CATSPERE: variants seen among roughly 807,000 people sequenced by gnomAD.
CATSPERE encodes catsper channel auxiliary subunit epsilon, also known as cation channel sperm-associated auxiliary subunit epsilon.
CATSPERE carries 93 observed loss-of-function variants against 114.1 expected under a neutral mutation model. The observed-to-expected ratio is 0.81, with a 90% CI of 0.69 to 0.97. The LOEUF (loss-of-function observed/expected upper bound fraction) is 0.97, where lower values mean the gene tolerates loss of function less well. Ranked by LOEUF, CATSPERE falls within the 50% of genes least tolerant of loss-of-function variation. The probability of loss-of-function intolerance (pLI) is 0.00; values close to 1 mark genes in which losing one functional copy is unlikely to be tolerated. For synonymous variants in CATSPERE, 341 were observed against 384.1 expected, an observed-to-expected ratio of 0.89 and a Z score of 1.31; for missense variants, 1,058 against 1,131.6, an observed-to-expected ratio of 0.93 and a Z score of 0.93.
At chr1:244,452,031 C>T, upstream of CATSPERE, 2 of 427,154 alleles carry the variant, frequency 4.7e-6, no homozygotes, top group Non-Finnish European at 8.0e-6. Context: ...CCGCGCAGGC[C>T]GGCCTCGGCA....
At chr1:244,585,547 C>T (rs958830324) in intron 13 of CATSPERE, among the ~76,000 whole-genome samples, 9 of 152,220 alleles carry the variant, frequency 5.9e-5, no homozygotes, top group Non-Finnish European at 1.2e-4. Flanking sequence ...TGAAGTATGC[C>T]TTCAACCACA....
intron 20 of CATSPERE, among the ~76,000 whole-genome samples, chr1:244,632,393 C>CAA (rs35948602): frequency 0.062 from 6,737 of 109,030 alleles, 637 homozygotes; most frequent in African/African-American, 0.2. Flanking sequence ...GACTCCAACT[C>CAA]AAAAAAAAAA....
chr1:244,553,215 GT>G (rs1015402120), intron 9 of CATSPERE, among the ~76,000 whole-genome samples: 1 of 152,106 alleles, frequency 6.6e-6, no homozygotes, highest in Non-Finnish European at 1.5e-5. Context: ...AGTGTTTACT[GT>G]GTCTATGTGT....
At chr1:244,521,758 A>G (rs1484701317) in intron 8 of CATSPERE, among the ~76,000 whole-genome samples, 1 of 152,218 alleles carries the variant, frequency 6.6e-6, no homozygotes, top group Non-Finnish European at 1.5e-5. Context: ...ATACGAGTAA[A>G]CATTTGATAA....
intron 20 of CATSPERE, among the ~76,000 whole-genome samples, chr1:244,632,267 G>A (rs528639281): frequency 5.9e-5 from 9 of 151,632 alleles, no homozygotes; most frequent in East Asian, 1.9e-4. Context: ...GGTGGTGTGC[G>A]CCTTTAATGC....
chr1:244,599,484 T>C (rs192848280), intron 17 of CATSPERE, among the ~76,000 whole-genome samples: 19 of 152,334 alleles, frequency 1.2e-4, no homozygotes, highest in Admixed American at 1.2e-3. Context: ...TATTTGTCAA[T>C]GCCTGCTATT....
At chr1:244,551,891 C>T (rs2148496462) in intron 8 of CATSPERE, among the ~76,000 whole-genome samples, 1 of 151,770 alleles carries the variant, frequency 6.6e-6, no homozygotes, top group African/African-American at 2.4e-5. Flanking sequence ...GGTGAAACCC[C>T]ATCTCTACTA....
In CATSPERE at chr1:244,568,955, G is replaced by A. The variant is rs1320355928; in HGVS notation, c.1508-3375G>A. Among the ~76,000 whole-genome samples, 2 of 152,108 alleles carry A rather than the reference G, an allele frequency of 1.3e-5. No individual in the cohort carries two copies. The highest frequency in any genetic ancestry group is 2.9e-5 in the Non-Finnish European group (2 of 68,016). On this transcript the variant is annotated intron_variant, in intron 10 of 21. Transcript: ENST00000366534. This position sits in a 1 kb window ranked among gnomAD's most constrained non-coding sequence, Gnocchi z 4.4. ...CAGCTAGCCTGGTGTCTGCCCAAAC[G>A]GCTGCCTAGTTTTGTGCTTGAAACC... is the stretch of plus-strand genomic sequence containing the variant.
rs550438308 is a variant in CATSPERE at position 244,482,098 on chromosome 1, G to A, written c.326+2314G>A. The stretch of plus-strand genomic sequence containing the variant: ...AGGTTAGTCCAAAAGAGAGAACTCC[G>A]TAGGGGCTAAGAGTTTTTCTGTAAT... On this transcript the variant is annotated intron_variant, in intron 5 of 21. Transcript: ENST00000366534. Among the ~76,000 whole-genome samples, 373 of 152,298 alleles carry A rather than the reference G, an allele frequency of 2.4e-3. 2 individuals are homozygous for A. The highest frequency in any genetic ancestry group is 8.0e-3 in the African/African-American group (334 of 41,560).
intron 10 of CATSPERE, among the ~76,000 whole-genome samples, chr1:244,570,222 T>A (rs1411581647): frequency 6.6e-6 from 1 of 152,158 alleles, no homozygotes; most frequent in African/African-American, 2.4e-5. Context: ...TTTTCTAATT[T>A]ATTGGCAAAA....
At chr1:244,574,248 A>G (rs1206988900) in intron 11 of CATSPERE, among the ~76,000 whole-genome samples, 1 of 152,236 alleles carries the variant, frequency 6.6e-6, no homozygotes, top group African/African-American at 2.4e-5. Flanking sequence ...TAGACTGCGA[A>G]CTGGAACATG....
chr1:244,637,992 C>T (rs1252773022), intron 21 of CATSPERE, among the ~76,000 whole-genome samples: 1 of 152,238 alleles, frequency 6.6e-6, no homozygotes, highest in East Asian at 1.9e-4. Context: ...TATAATTCTT[C>T]CACCTATGCT....
intron 19 of CATSPERE, among the ~76,000 whole-genome samples, chr1:244,614,334 A>G (rs1247256550): frequency 6.6e-6 from 1 of 152,044 alleles, no homozygotes; most frequent in African/African-American, 2.4e-5. Context: ...ACTGCCACAG[A>G]CAGGGCAGGT....
At chr1:244,540,542 G>T (rs1295131593) in intron 8 of CATSPERE, among the ~76,000 whole-genome samples, 6 of 142,184 alleles carry the variant, frequency 4.2e-5, no homozygotes, top group African/African-American at 1.0e-4. Context: ...ATGCTCATGG[G>T]TAGGAAGAAT....
chr1:244,609,749 G>T (rs1192920362), intron 18 of CATSPERE, among the ~76,000 whole-genome samples: 2 of 152,216 alleles, frequency 1.3e-5, no homozygotes, highest in African/African-American at 4.8e-5. Flanking sequence ...ATTAATAAGT[G>T]AGTTTAGAAA....
rs774573290 is a variant in CATSPERE, at chr1:244,583,843, T to A, written c.2010-21T>A. 6 of 1,606,620 alleles carry A rather than the reference T, an allele frequency of 3.7e-6. No individual in the cohort carries two copies. The African/African-American group carries it at 8.0e-5, about 22-fold the overall frequency. On this transcript the variant is annotated intron_variant, in intron 12 of 21. Coordinates refer to ENST00000366534, the MANE Select transcript of CATSPERE (RefSeq NM_001130957.2). The stretch of plus-strand genomic sequence containing the variant: ...CTGTCTCTCACATGATACAATAACC[T>A]GTACGAATTGTTTCTCCTAGAGACA...
At chr1:244,500,752 G>A (rs1214845423) in intron 7 of CATSPERE, among the ~76,000 whole-genome samples, 4 of 152,054 alleles carry the variant, frequency 2.6e-5, no homozygotes, top group Non-Finnish European at 5.9e-5. Context: ...CTGTAGCTTT[G>A]TAGTATAGTT....
At chr1:244,548,789 G>A (rs186512877) in intron 8 of CATSPERE, among the ~76,000 whole-genome samples, 1 of 152,220 alleles carries the variant, frequency 6.6e-6, no homozygotes, top group African/African-American at 2.4e-5. Context: ...CCAGAAGGCT[G>A]TATATGCTCT....
intron 8 of CATSPERE, among the ~76,000 whole-genome samples, chr1:244,546,600 G>T (rs1572683533): frequency 6.6e-6 from 1 of 152,240 alleles, no homozygotes; most frequent in South Asian, 2.1e-4. Context: ...TCAACAAAAT[G>T]AGAAAACAAT....
Sources: allele counts gnomAD v4.1 joint callset (sites outside exome capture counted in the v4.1 genomes callset), GRCh38; gene constraint gnomAD v4.1.1; non-coding constraint Gnocchi (gnomAD v3.1); transcripts MANE v1.5; gene names NCBI Gene and HGNC (gene_info 2026-07-23, HGNC 2026-07-21).